The following PCNX4 variants were observed in gnomAD, a reference collection of about 807,000 sequenced individuals.
PCNX4 encodes pecanex-like protein 4.
In PCNX4, 103 loss-of-function variants were observed where a neutral mutation model predicts 107.2. The observed-to-expected ratio is 0.96, with a 90% CI of 0.82 to 1.13. The LOEUF (loss-of-function observed/expected upper bound fraction) is 1.13, where lower values mean the gene tolerates loss of function less well. Among genes scored for constraint, PCNX4 ranks in the 50% most tolerant of loss-of-function variants. The pLI, the probability that PCNX4 is intolerant of heterozygous loss-of-function variation, is 0.00. For missense variants in PCNX4, 1,528 were observed against 1,379.4 expected (o/e 1.11, Z -1.71); for synonymous variants, 541 against 481.7 (o/e 1.12, Z -1.61).
At position 60,107,620 on chromosome 14, in the gene PCNX4, A is replaced by C. The variant is rs1341164202; in HGVS notation, c.-19A>C. Reference sequence around the variant, plus strand: ...TGTTACAGAAAAGCATGTGACTTTCAGAATAATCCCGAGTGAGGATGAGTC... The same window carrying C: ...TGTTACAGAAAAGCATGTGACTTTCCGAATAATCCCGAGTGAGGATGAGTC... On this transcript the variant is annotated 5_prime_UTR_variant, in exon 2 of 11. Coordinates refer to ENST00000406854, the MANE Select transcript of PCNX4 (RefSeq NM_001330177.2). 5 of 1,566,956 alleles carry C rather than the reference A, an allele frequency of 3.2e-6. No homozygotes were observed. The highest frequency in any genetic ancestry group is 3.8e-5 in the Admixed American group (2 of 52,326).
Position 60,121,344 on chromosome 14 carries a change from T to A in PCNX4, c.2046+45T>A, listed in dbSNP as rs777127477. 8.8e-6 allele frequency: 14 copies of A among 1,583,264 alleles called. No individual in the cohort carries two copies. The South Asian group carries it at 1.3e-4, about 14-fold the overall frequency. On this transcript the variant is annotated intron_variant, in intron 8 of 10. Coordinates refer to ENST00000406854, the MANE Select transcript of PCNX4 (RefSeq NM_001330177.2). ...ATCTGTAGTATTTTTATAGTTCATG[T>A]GTAAAATTTTACCTGTTATGTTCAC...
rs201596952 is a variant in PCNX4, at chr14:60,100,231, C to CA, written c.-53-7345dup. 2.7e-3 allele frequency among the ~76,000 whole-genome samples: 393 copies of CA among 148,068 alleles called. 5 individuals carry two copies. Among genetic ancestry groups the CA allele is most frequent in the African/African-American group, 8.3e-3 (335 of 40,464 alleles). Reference sequence around the variant, plus strand: ...TAGGCAAAGGACATGAGCCAATTTACAAAAAAAAAATACCATTTTTCTGCA... The same window carrying CA: ...TAGGCAAAGGACATGAGCCAATTTACAAAAAAAAAAATACCATTTTTCTGCA... On this transcript the variant is annotated intron_variant, in intron 1 of 10. Coordinates refer to ENST00000406854, the MANE Select transcript of PCNX4 (RefSeq NM_001330177.2).
chr14:60,134,148 C>A lies in PCNX4; in HGVS notation c.3446C>A (p.Thr1149Lys). 1 of 1,613,702 alleles carries A rather than the reference C, an allele frequency of 6.2e-7. No individual in the cohort carries two copies. The highest frequency in any genetic ancestry group is 8.5e-7 in the Non-Finnish European group (1 of 1,179,652). ...QAHPLLLRNL[T>K]VQAAEPPLGY... ...CATCCACTACTTTTAAGAAATCTTA[C>A]GGTACAAGCAGCAGAACCTCCCCTG... is the stretch of plus-strand genomic sequence containing the variant. Residue 1149 changes from threonine to lysine, a missense_variant, in exon 11 of 11, where the codon ACG (threonine) becomes AAG (lysine). Thr to Lys is a moderately conservative substitution (Grantham distance 78). Transcript: ENST00000406854.
intron 10 of PCNX4, among the ~76,000 whole-genome samples, chr14:60,127,304 A>C (rs1896073530): frequency 6.6e-6 from 1 of 152,312 alleles, no homozygotes; most frequent in Admixed American, 6.5e-5. Context: ...ACAAATCTCA[A>C]ACACATCAAA....
chr14:60,138,700 T>C lies in PCNX4; in HGVS notation c.*4479T>C, dbSNP rs1213951858. The C allele has an allele frequency of 1.3e-5, 2 of 152,024 alleles. No individual in the cohort carries two copies. The highest frequency in any genetic ancestry group is 4.8e-5 in the African/African-American group (2 of 41,392). 9.4% of individuals were successfully genotyped at this position (152,024 alleles called of 1,614,324 possible). ...ACGCAACAAATTTAATAGCAGATTG[T>C]CATTAAAGGTGATAGTAAAGGGTAT... On this transcript the variant is annotated 3_prime_UTR_variant, in exon 11 of 11. Coordinates refer to ENST00000406854, the MANE Select transcript of PCNX4 (RefSeq NM_001330177.2).
At position 60,107,991 on chromosome 14, in the gene PCNX4, T is replaced by A; in HGVS notation, c.353T>A (p.Phe118Tyr). ...TTAGCAGAGGAGGATGAGCATGAAT[T>A]TACCAGTTGTACTGGTGCTGAGACT... ...DILAEEDEHE[F>Y]TSCTGAETVK... Residue 118 changes from phenylalanine to tyrosine, a missense_variant, in exon 2 of 11, where the codon TTT becomes TAT. Physicochemically the swap from Phe to Tyr is conservative, Grantham distance 22. Coordinates refer to ENST00000406854, the MANE Select transcript of PCNX4 (RefSeq NM_001330177.2). 1 of 1,612,810 alleles carries A rather than the reference T, an allele frequency of 6.2e-7. No homozygotes were observed. The highest frequency in any genetic ancestry group is 1.1e-5 in the South Asian group (1 of 91,080).
chr14:60,135,451 CTT>C lies in PCNX4; in HGVS notation c.*1231_*1232del, dbSNP rs1420179094. ...TATTACTCTGAGTTTACATCTCAGA[CTT>C]ATGATTTAATTTACATGATTGAGAT... On this transcript the variant is annotated 3_prime_UTR_variant, in exon 11 of 11. Transcript: ENST00000406854. 2 of 152,074 alleles carry C rather than the reference CTT, an allele frequency of 1.3e-5. No homozygotes were observed. Among genetic ancestry groups the C allele is most frequent in the Non-Finnish European group, 2.9e-5 (2 of 68,038 alleles). 9.4% of individuals were successfully genotyped at this position (152,074 alleles called of 1,614,324 possible).
chr14:60,144,753 C>A lies in PCNX4; in HGVS notation c.*10532C>A. The A allele has an allele frequency of 2.0e-6, 1 of 501,852 alleles. No individual in the cohort carries two copies. The highest frequency in any genetic ancestry group is 3.1e-5 in the South Asian group (1 of 32,656). 31.1% of individuals were successfully genotyped at this position (501,852 alleles called of 1,614,324 possible). On this transcript the variant is annotated 3_prime_UTR_variant, in exon 11 of 11. Transcript: ENST00000406854. ...AAGTATTTTAAAAGGTTATTTTATC[C>A]AAGAATATAGTATGAGTTAATACCT...
chr14:60,115,412 A>G lies in PCNX4; in HGVS notation c.1308A>G (p.Gln436=), dbSNP rs769288473. 8 of 1,560,386 alleles carry G rather than the reference A, an allele frequency of 5.1e-6. No individual in the cohort carries two copies. The African/African-American group carries it at 1.1e-4, about 21-fold the overall frequency. Residue 436 remains glutamine, a synonymous_variant, in exon 4 of 11, where the codon CAA becomes CAG. Transcript: ENST00000406854. ...VQTVTVFFEK[Q]TRLMKIGIVR... ...CTGTGACTGTATTCTTTGAGAAGCA[A>G]ACTAGGCTCATGAAGATTGGTATTG...
rs1896451458 is a variant in PCNX4 at position 60,148,065 on chromosome 14, C to G, written c.*13844C>G. The G allele has an allele frequency of 6.6e-6, 1 of 152,186 alleles. No individual in the cohort carries two copies. Among genetic ancestry groups the G allele is most frequent in the Non-Finnish European group, 1.5e-5 (1 of 68,042 alleles). The allele number at this position is 152,186 out of a possible 1,614,324, so 9.4% of individuals were successfully genotyped here. A position where few individuals can be genotyped will look rare whatever the true frequency, so the allele number is the denominator to read the frequency against. ...CTACTTGGTAGAAAACGAAAAGCTC[C>G]TTTTTGATTTTTCACACTCTGGACA... On this transcript the variant is annotated 3_prime_UTR_variant, in exon 11 of 11. Transcript: ENST00000406854. The surrounding 1 kb of genome is among the most constrained non-coding windows in gnomAD (Gnocchi z 4.8).
chr14:60,142,677 G>C lies in PCNX4; in HGVS notation c.*8456G>C, dbSNP rs1896320425. The C allele has an allele frequency of 6.6e-6, 1 of 152,132 alleles. No individual in the cohort carries two copies. The highest frequency in any genetic ancestry group is 6.5e-5 in the Admixed American group (1 of 15,268). The allele number at this position is 152,132 out of a possible 1,614,324, so 9.4% of individuals were successfully genotyped here. A position where few individuals can be genotyped will look rare whatever the true frequency, so the allele number is the denominator to read the frequency against. On this transcript the variant is annotated 3_prime_UTR_variant, in exon 11 of 11. Transcript: ENST00000406854. The surrounding 1 kb of genome is among the most constrained non-coding windows in gnomAD (Gnocchi z 4.7). ...AGAGGGTGTGTACAGAAAATTACAT[G>C]CCATAGAAAAATACCATACACAGGC...
chr14:60,118,825 G>A (rs1373742092), intron 7 of PCNX4, 133 bp downstream of exon 7: 1 of 971,410 alleles, frequency 1.0e-6, no homozygotes, highest in Non-Finnish European at 1.4e-6. Context: ...TGTGTAGGCA[G>A]AAAGACTAAA....
chr14:60,095,654 A>T (rs1237964558), intron 1 of PCNX4, among the ~76,000 whole-genome samples: 1 of 152,116 alleles, frequency 6.6e-6, no homozygotes, highest in Non-Finnish European at 1.5e-5. Flanking sequence ...TAAAAGGAAG[A>T]CGAGTTCCTG....
At position 60,105,213 on chromosome 14, in the gene PCNX4, G is replaced by A. The variant is rs1895607745; in HGVS notation, c.-53-2373G>A. Reference sequence around the variant, plus strand: ...ACAAGCAGTGGTTTTGGTATACAGAGAGAAGAGATACTCAGCTAGACCAAA... The same window carrying A: ...ACAAGCAGTGGTTTTGGTATACAGAAAGAAGAGATACTCAGCTAGACCAAA... On this transcript the variant is annotated intron_variant, in intron 1 of 10. Coordinates refer to ENST00000406854, the MANE Select transcript of PCNX4 (RefSeq NM_001330177.2). Among the ~76,000 whole-genome samples, 8 of 152,280 alleles carry A rather than the reference G, an allele frequency of 5.3e-5. No individual in the cohort carries two copies. The South Asian group carries it at 1.7e-3, about 32-fold the overall frequency.
rs540515095 is a variant in PCNX4 at position 60,107,558 on chromosome 14, G to A, written c.-53-28G>A. On this transcript the variant is annotated intron_variant, in intron 1 of 10. Coordinates refer to ENST00000406854, the MANE Select transcript of PCNX4 (RefSeq NM_001330177.2). ...AGGTTTTAAATGACATTTTCAAACA[G>A]TGACTTTTTTTAATTTTTATTTTTT... The A allele has an allele frequency of 3.2e-6, 4 of 1,235,662 alleles. No individual in the cohort carries two copies. In the East Asian group the frequency reaches 7.3e-5, roughly 23 times the overall value. The allele number at this position is 1,235,662 out of a possible 1,614,324, so 76.5% of individuals were successfully genotyped here. A position where few individuals can be genotyped will look rare whatever the true frequency, so the allele number is the denominator to read the frequency against.
In PCNX4 at chr14:60,124,634, G is replaced by GT; in HGVS notation, c.2464dup (p.Ser822PhefsTer2). 1 of 1,613,694 alleles carries GT rather than the reference G, an allele frequency of 6.2e-7. No individual in the cohort carries two copies. Among genetic ancestry groups the GT allele is most frequent in the Non-Finnish European group, 8.5e-7 (1 of 1,179,748 alleles). On this transcript the variant is annotated frameshift_variant, in exon 9 of 11. Transcript: ENST00000406854. LOFTEE classifies it high-confidence loss of function. ...TAAATTCAGAAACTTTTAATGACTG[G>GT]TCTGATGATAATATTTTTGATGATG...
Position 60,107,520 on chromosome 14 carries a change from G to A in PCNX4, c.-53-66G>A, listed in dbSNP as rs73310125. On this transcript the variant is annotated intron_variant, in intron 1 of 10. Coordinates refer to ENST00000406854, the MANE Select transcript of PCNX4 (RefSeq NM_001330177.2). ...GTGAGGAGATGAAATAGTAATGTGA[G>A]GTTTTTCCTCATAGGTTTTAAATGA... The A allele has an allele frequency of 7.3e-4, 631 of 859,060 alleles. 4 individuals are homozygous for A. In the African/African-American group the frequency reaches 0.01, roughly 14 times the overall value. 53.2% of individuals were successfully genotyped at this position (859,060 alleles called of 1,614,324 possible).
intron 2 of PCNX4, chr14:60,110,512 T>C (rs1463720356): frequency 6.0e-6 from 1 of 167,148 alleles, no homozygotes; most frequent in Non-Finnish European, 1.5e-5. Flanking sequence ...TAATGGAATT[T>C]GCCTTGCTAG....
intron 2 of PCNX4, 149 bp downstream of exon 2, chr14:60,108,476 T>C (rs1895673949): frequency 1.3e-5 from 8 of 605,084 alleles, no homozygotes; most frequent in Non-Finnish European, 2.0e-5. Context: ...ATTATTCTTT[T>C]AGGATTAATC....
Sources: gnomAD v4.1 joint callset for allele counts (sites outside exome capture counted in the v4.1 genomes callset) on GRCh38, gnomAD v4.1.1 for gene constraint, Gnocchi (gnomAD v3.1) non-coding constraint, MANE v1.5 for transcripts, NCBI Gene and HGNC (gene_info 2026-07-23, HGNC 2026-07-21) for gene names.